Variants in ZNF148 observed in about 807,000 individuals in gnomAD.
ZNF148 encodes zinc finger protein 148.
ZNF148 carries 7 observed loss-of-function variants against 67.7 expected under a neutral mutation model. The observed-to-expected ratio is 0.10, with a 90% CI of 0.06 to 0.19. The LOEUF (loss-of-function observed/expected upper bound fraction) is 0.19, where lower values mean the gene tolerates loss of function less well. ZNF148 is among the 10% of genes least tolerant of loss of function. ZNF148 has a pLI of 1.00. For synonymous variants in ZNF148, 333 were observed against 330.7 expected (o/e 1.01, Z -0.08); for missense variants, 583 against 947.1 (o/e 0.62, Z 5.05).
intron 4 of ZNF148, 68 bp downstream of exon 4, chr3:125,313,240 T>C (rs550863638): frequency 1.5e-5 from 19 of 1,300,498 alleles, no homozygotes; most frequent in African/African-American, 1.3e-4. Context: ...ATTTCTTCGA[T>C]GACTTGCAGT....
At chr3:125,311,922 A>G (rs1411516352) in intron 4 of ZNF148, among the ~76,000 whole-genome samples, 5 of 152,208 alleles carry the variant, frequency 3.3e-5, no homozygotes. Flanking sequence ...GAAGAGACCT[A>G]TATTTATAGG....
At chr3:125,289,428 A>G (rs1938885795) in intron 4 of ZNF148, among the ~76,000 whole-genome samples, 1 of 152,218 alleles carries the variant, frequency 6.6e-6, no homozygotes, top group Admixed American at 6.6e-5. Context: ...CATGATGTAA[A>G]TGATTATTTA....
At position 125,232,525 on chromosome 3, in the gene ZNF148, C is replaced by CG; in HGVS notation, c.2200dup (p.Arg734ProfsTer16). 1 of 1,613,554 alleles carries CG rather than the reference C, an allele frequency of 6.2e-7. No homozygotes were observed. Among genetic ancestry groups the CG allele is most frequent in the Middle Eastern group, 1.7e-4 (1 of 6,056 alleles). The stretch of plus-strand genomic sequence containing the variant: ...AGCTCTTGATCCATGATAGGGAGCA[C>CG]GGAAGGGCTGTTCAAAGGAGCTCAT... On this transcript the variant is annotated frameshift_variant, in exon 9 of 9. Transcript: ENST00000360647. LOFTEE classifies it high-confidence loss of function. The surrounding 1 kb of genome is among the most constrained non-coding windows in gnomAD (Gnocchi z 4.2).
chr3:125,293,598 A>G (rs1347471178), intron 4 of ZNF148, among the ~76,000 whole-genome samples: 1 of 152,250 alleles, frequency 6.6e-6, no homozygotes, highest in Non-Finnish European at 1.5e-5. Flanking sequence ...TCAAAAGGAC[A>G]TAAGACCCAG....
chr3:125,341,709 G>A (rs116152931), intron 1 of ZNF148, among the ~76,000 whole-genome samples: 521 of 152,206 alleles, frequency 3.4e-3, no homozygotes, highest in Middle Eastern at 0.014. Context: ...AAAACATAGA[G>A]ATGGGCTAGG....
At chr3:125,345,118 T>C (rs1941890926) in intron 1 of ZNF148, among the ~76,000 whole-genome samples, 3 of 152,140 alleles carry the variant, frequency 2.0e-5, no homozygotes, top group Non-Finnish European at 4.4e-5. Flanking sequence ...AGAATACACA[T>C]TTTTCTTAAG....
In ZNF148 at chr3:125,323,336, CAAGGA is replaced by C; in HGVS notation, c.-49_-45del. 3.0e-6 allele frequency: 2 copies of C among 668,560 alleles called. No individual in the cohort carries two copies. The highest frequency in any genetic ancestry group is 2.8e-5 in the East Asian group (1 of 36,184). The allele number at this position is 668,560 out of a possible 1,614,324, so 41.4% of individuals were successfully genotyped here. A position where few individuals can be genotyped will look rare whatever the true frequency, so the allele number is the denominator to read the frequency against. On this transcript the variant is annotated 5_prime_UTR_variant, in exon 3 of 9. The change abolishes the stop of an existing upstream ORF in the 5' untranslated region. Coordinates refer to ENST00000360647, the MANE Select transcript of ZNF148 (RefSeq NM_021964.3). Reference sequence around the variant, plus strand: ...GAGACTAAGGTAAAAACGAAGACTTCAAGGAAAGGAATGCTGTAGAGTTGAAAAAG... The same window carrying C: ...GAGACTAAGGTAAAAACGAAGACTTCAAGGAATGCTGTAGAGTTGAAAAAG...
At chr3:125,329,288 G>C (rs1488617693) in intron 2 of ZNF148, among the ~76,000 whole-genome samples, 1 of 139,202 alleles carries the variant, frequency 7.2e-6, no homozygotes, top group East Asian at 2.0e-4. Flanking sequence ...ATATGTATAT[G>C]TATATATGTA....
chr3:125,263,377 C>A (rs1937426634), intron 7 of ZNF148, among the ~76,000 whole-genome samples: 1 of 152,108 alleles, frequency 6.6e-6, no homozygotes, highest in African/African-American at 2.4e-5. Context: ...ATGGTGGAAC[C>A]CTGTCTCTAC....
chr3:125,343,280 C>T (rs1360615196), intron 1 of ZNF148, among the ~76,000 whole-genome samples: 1 of 150,586 alleles, frequency 6.6e-6, no homozygotes, highest in Non-Finnish European at 1.5e-5. Flanking sequence ...GCAAAGTACA[C>T]ATAGAGATTT....
chr3:125,359,917 A>T (rs954608977), intron 1 of ZNF148, among the ~76,000 whole-genome samples: 2 of 152,208 alleles, frequency 1.3e-5, no homozygotes, highest in Non-Finnish European at 2.9e-5. Flanking sequence ...CTGCTCCACC[A>T]GCTGCTAAGT....
At chr3:125,314,279 C>T (rs954790767) in intron 3 of ZNF148, among the ~76,000 whole-genome samples, 7 of 152,000 alleles carry the variant, frequency 4.6e-5, no homozygotes, top group African/African-American at 1.2e-4. Flanking sequence ...TGCTATGAAA[C>T]GTATCAAAAG....
intron 4 of ZNF148, among the ~76,000 whole-genome samples, chr3:125,296,816 G>A (rs934149937): frequency 1.3e-5 from 2 of 152,052 alleles, no homozygotes; most frequent in African/African-American, 4.8e-5. Flanking sequence ...GACTTTTAAT[G>A]ACCAAGATGA....
intron 7 of ZNF148, among the ~76,000 whole-genome samples, chr3:125,269,480 G>C (rs963617723): frequency 4.0e-5 from 6 of 150,730 alleles, no homozygotes; most frequent in Admixed American, 4.0e-4. Flanking sequence ...CGAAGCTACA[G>C]AGAAAAGGGA....
At chr3:125,250,447 T>C (rs1400624373) in intron 7 of ZNF148, among the ~76,000 whole-genome samples, 2 of 152,190 alleles carry the variant, frequency 1.3e-5, no homozygotes, top group Admixed American at 6.5e-5. Flanking sequence ...TCATCTGACA[T>C]AGCTTATCTC....
chr3:125,350,939 G>C (rs1942125904), intron 1 of ZNF148, among the ~76,000 whole-genome samples: 1 of 152,192 alleles, frequency 6.6e-6, no homozygotes, highest in Non-Finnish European at 1.5e-5. Context: ...GTCACAGGAG[G>C]CCAAATACTG....
intron 1 of ZNF148, among the ~76,000 whole-genome samples, chr3:125,342,038 A>T (rs1941748738): frequency 6.6e-6 from 1 of 151,754 alleles, no homozygotes; most frequent in Non-Finnish European, 1.5e-5. Context: ...AGAATCGTTG[A>T]ACTTGAGGAC....
intron 7 of ZNF148, among the ~76,000 whole-genome samples, chr3:125,241,850 C>T (rs572321741): frequency 6.6e-6 from 1 of 152,338 alleles, no homozygotes; most frequent in Admixed American, 6.5e-5. Context: ...ACAGGAAATG[C>T]TATGAATCTG....
At chr3:125,334,767 T>C (rs1316739307) in intron 1 of ZNF148, among the ~76,000 whole-genome samples, 4 of 152,162 alleles carry the variant, frequency 2.6e-5, no homozygotes, top group Non-Finnish European at 5.9e-5. Context: ...CATGCACTCC[T>C]GTGCTTATCC....
Sources: gnomAD v4.1 joint callset for allele counts (sites outside exome capture counted in the v4.1 genomes callset) on GRCh38, gnomAD v4.1.1 for gene constraint, Gnocchi (gnomAD v3.1) non-coding constraint, MANE v1.5 for transcripts, NCBI Gene and HGNC (gene_info 2026-07-23, HGNC 2026-07-21) for gene names.